AGBL4: variants seen among roughly 807,000 people sequenced by gnomAD.
The protein encoded by AGBL4 is AGBL carboxypeptidase 4, also known as cytosolic carboxypeptidase 6.
A neutral mutation model predicts 66.4 loss-of-function variants in AGBL4; 58 were observed. The observed-to-expected ratio is 0.87, with a 90% confidence interval of 0.71 to 1.09. The LOEUF (loss-of-function observed/expected upper bound fraction) is 1.09, where lower values mean the gene tolerates loss of function less well. Ranked by LOEUF, AGBL4 falls within the 50% of genes least tolerant of loss-of-function variation. AGBL4 has a pLI of 0.00. For synonymous variants in AGBL4, 234 were observed against 222.9 expected, an observed-to-expected ratio of 1.05 and a Z score of -0.44; for missense variants, 579 against 631.0, an observed-to-expected ratio of 0.92 and a Z score of 0.88.
chr1:48,746,368 T>C (rs1650764947), intron 6 of AGBL4, among the ~76,000 whole-genome samples: 1 of 152,148 alleles, frequency 6.6e-6, no homozygotes, highest in African/African-American at 2.4e-5. Flanking sequence ...CCCTAGTGCT[T>C]AGCACAGGCC....
At chr1:48,681,277 G>C (rs1389240188) in intron 6 of AGBL4, among the ~76,000 whole-genome samples, 1 of 152,172 alleles carries the variant, frequency 6.6e-6, no homozygotes, top group Admixed American at 6.5e-5. Context: ...AGTAAGTCGG[G>C]GTGCAGACAG....
At chr1:49,412,734 G>A (rs1645342561) in intron 3 of AGBL4, among the ~76,000 whole-genome samples, 1 of 152,202 alleles carries the variant, frequency 6.6e-6, no homozygotes, top group Admixed American at 6.5e-5. Context: ...GTATTAGTTT[G>A]TAGATAATAG....
intron 1 of AGBL4, among the ~76,000 whole-genome samples, chr1:50,010,786 C>T (rs928225596): frequency 8.5e-5 from 13 of 152,146 alleles, no homozygotes; most frequent in Non-Finnish European, 1.8e-4. Flanking sequence ...TAAAACTAGA[C>T]CTCTATCTCT....
At chr1:48,539,055 G>C (rs1180056980) in intron 12 of AGBL4, among the ~76,000 whole-genome samples, 1 of 152,232 alleles carries the variant, frequency 6.6e-6, no homozygotes, top group African/African-American at 2.4e-5. Flanking sequence ...CAGGATGGAG[G>C]CTCACCTCCT....
chr1:48,736,559 T>A lies in AGBL4; in HGVS notation c.635-73318A>T. ...GCTGCACAACTGTAAGAGATTCATGTCATAAATATGAAATTAACTCTCTTT... is the reference window on the plus strand; with the variant it reads ...GCTGCACAACTGTAAGAGATTCATGACATAAATATGAAATTAACTCTCTTT... On this transcript the variant is annotated intron_variant, in intron 6 of 13. Coordinates refer to ENST00000371839, the MANE Select transcript of AGBL4 (RefSeq NM_032785.4). This position sits in a 1 kb window ranked among gnomAD's most constrained non-coding sequence, Gnocchi z 4.0. 2 of 966,556 alleles carry A rather than the reference T, an allele frequency of 2.1e-6. No homozygotes were observed. Among genetic ancestry groups the A allele is most frequent in the African/African-American group, 1.6e-5 (1 of 60,888 alleles). The allele number at this position is 966,556 out of a possible 1,614,324, so 59.9% of individuals were successfully genotyped here.
intron 3 of AGBL4, among the ~76,000 whole-genome samples, chr1:49,535,684 C>T (rs1204690549): frequency 2.0e-5 from 3 of 151,902 alleles, no homozygotes; most frequent in Non-Finnish European, 4.4e-5. Context: ...TTAAACTTTT[C>T]GTTTGGTTTT....
Position 49,119,117 on chromosome 1 carries a change from T to C in AGBL4, c.378-73317A>G, listed in dbSNP as rs573666075. Reference sequence around the variant, plus strand: ...TTCTTTATTAGTCTTGCTAGTGTTCTATCAATTTTGTTGATCTTTTCAAAA... The same window carrying C: ...TTCTTTATTAGTCTTGCTAGTGTTCCATCAATTTTGTTGATCTTTTCAAAA... On this transcript the variant is annotated intron_variant, in intron 4 of 13. Transcript: ENST00000371839. Among the ~76,000 whole-genome samples, 25 of 152,348 alleles carry C rather than the reference T, an allele frequency of 1.6e-4. No homozygotes were observed. The East Asian group carries it at 4.2e-3, about 26-fold the overall frequency.
In AGBL4 at chr1:49,832,280, AATG is replaced by A. The variant is rs1443246006; in HGVS notation, c.157+19113_157+19115del. Among the ~76,000 whole-genome samples the A allele has an allele frequency of 3.3e-5, 5 of 151,140 alleles. No homozygotes were observed. The East Asian group carries it at 9.7e-4, about 29-fold the overall frequency. ...TTTGTTCTTGCGATAGTTTACTGAG[AATG>A]ATGATTTCCAATTTCATCCATGTCC... On this transcript the variant is annotated intron_variant, in intron 2 of 13. Coordinates refer to ENST00000371839, the MANE Select transcript of AGBL4 (RefSeq NM_032785.4).
At chr1:48,693,437 G>C (rs1291135230) in intron 6 of AGBL4, among the ~76,000 whole-genome samples, 2 of 152,172 alleles carry the variant, frequency 1.3e-5, no homozygotes, top group East Asian at 3.9e-4. Flanking sequence ...TGCTTTCCCT[G>C]TCACAGAGCC....
intron 2 of AGBL4, among the ~76,000 whole-genome samples, chr1:49,764,181 G>A (rs1652559087): frequency 6.6e-6 from 1 of 152,144 alleles, no homozygotes; most frequent in Non-Finnish European, 1.5e-5. Flanking sequence ...AATTCCCAGA[G>A]GCAACAGACA....
At chr1:49,937,352 G>A (rs1265344920) in intron 1 of AGBL4, among the ~76,000 whole-genome samples, 1 of 151,942 alleles carries the variant, frequency 6.6e-6, no homozygotes, top group Non-Finnish European at 1.5e-5. Context: ...AGTCCTTAGA[G>A]ACCTACAAAG....
chr1:49,887,787 C>T (rs753223195), intron 1 of AGBL4, among the ~76,000 whole-genome samples: 20 of 151,940 alleles, frequency 1.3e-4, no homozygotes, highest in Non-Finnish European at 2.6e-4. Flanking sequence ...CATGGCGTAC[C>T]GAACAATTAG....
At chr1:49,606,283 T>C (rs1256273295) in intron 3 of AGBL4, among the ~76,000 whole-genome samples, 1 of 152,136 alleles carries the variant, frequency 6.6e-6, no homozygotes, top group Non-Finnish European at 1.5e-5. Flanking sequence ...GAAAAATTCA[T>C]AGCAGAGGTG....
At chr1:49,860,328 A>G (rs950545609) in intron 1 of AGBL4, among the ~76,000 whole-genome samples, 1 of 152,258 alleles carries the variant, frequency 6.6e-6, no homozygotes, top group Non-Finnish European at 1.5e-5. Context: ...AAACACTTAC[A>G]TGGTCAATTG....
intron 4 of AGBL4, among the ~76,000 whole-genome samples, chr1:49,228,454 A>G (rs563421171): frequency 1.3e-5 from 2 of 152,304 alleles, no homozygotes; most frequent in Non-Finnish European, 2.9e-5. Flanking sequence ...TTTCAATAGG[A>G]TAAGTAGGGT....
intron 3 of AGBL4, among the ~76,000 whole-genome samples, chr1:49,441,723 T>C (rs1291925237): frequency 2.6e-4 from 40 of 152,192 alleles, no homozygotes; most frequent in Admixed American, 2.6e-3. Flanking sequence ...ATGGGAATAA[T>C]TGAATCCTGA....
intron 3 of AGBL4, among the ~76,000 whole-genome samples, chr1:49,273,384 A>G (rs1644101586): frequency 6.6e-6 from 1 of 151,428 alleles, no homozygotes; most frequent in African/African-American, 2.4e-5. Context: ...TTATAAAAGA[A>G]TATAAACGTG....
At chr1:49,846,054 A>C (rs1162663185) in intron 2 of AGBL4, 1 of 1,590,570 alleles carries the variant, frequency 6.3e-7, no homozygotes, top group Non-Finnish European at 8.6e-7. Flanking sequence ...CTCATTCAGC[A>C]TCAGAGGATC....
chr1:49,555,262 G>C (rs2148845035), intron 3 of AGBL4, among the ~76,000 whole-genome samples: 1 of 151,278 alleles, frequency 6.6e-6, no homozygotes, highest in East Asian at 2.0e-4. Context: ...CAATCCTTTA[G>C]CTAGACACAA....
Sources: gnomAD v4.1 joint callset for allele counts (sites outside exome capture counted in the v4.1 genomes callset) on GRCh38, gnomAD v4.1.1 for gene constraint, Gnocchi (gnomAD v3.1) non-coding constraint, MANE v1.5 for transcripts, NCBI Gene and HGNC (gene_info 2026-07-23, HGNC 2026-07-21) for gene names.